TCERG1: variants seen among roughly 807,000 people sequenced by gnomAD.
The protein encoded by TCERG1 is transcription elongation regulator 1, also known as TATA box binding protein (TBP)-associated factor, RNA polymerase II, S, 150kD.
A neutral mutation model predicts 144.7 loss-of-function variants in TCERG1; 37 were observed. The observed-to-expected ratio is 0.26, with a 90% confidence interval of 0.20 to 0.34. The LOEUF is 0.34. TCERG1 is among the 10% of genes least tolerant of loss of function. The pLI is 1.00. For missense variants in TCERG1, 1,027 were observed against 1,380.7 expected, an observed-to-expected ratio of 0.74 and a Z score of 4.06; for synonymous variants, 492 against 458.2, an observed-to-expected ratio of 1.07 and a Z score of -0.94.
intron 9 of TCERG1, among the ~76,000 whole-genome samples, chr5:146,472,564 G>A (rs62372825): frequency 0.016 from 2,509 of 152,182 alleles, 35 homozygotes; most frequent in Non-Finnish European, 0.025. Context: ...TCCACCGACC[G>A]GCTGTTCCCC....
intron 4 of TCERG1, among the ~76,000 whole-genome samples, chr5:146,461,507 A>G (rs938697371): frequency 2.0e-5 from 3 of 152,142 alleles, no homozygotes; most frequent in Non-Finnish European, 4.4e-5. Flanking sequence ...CCAGTTTCCC[A>G]TTATTTTATT....
rs993507167 is a variant in TCERG1, at chr5:146,454,908, G to A, written c.60-148G>A. On this transcript the variant is annotated intron_variant, in intron 1 of 22. Coordinates refer to ENST00000679501, the MANE Select transcript of TCERG1 (RefSeq NM_001382548.1). ...CCACTGCACCCGGCCCATTGATGTA[G>A]TTTTTATCATGACGGTTGCAAAATG... is the stretch of plus-strand genomic sequence containing the variant. 13 of 845,452 alleles carry A rather than the reference G, an allele frequency of 1.5e-5. No individual in the cohort carries two copies. The African/African-American group carries it at 2.1e-4, about 13-fold the overall frequency. 52.4% of individuals were successfully genotyped at this position (845,452 alleles called of 1,614,324 possible). A position where few individuals can be genotyped will look rare whatever the true frequency, so the allele number is the denominator to read the frequency against.
In TCERG1 at chr5:146,447,357, A is replaced by G; in HGVS notation, c.8A>G (p.Glu3Gly). 6.2e-7 allele frequency: 1 copy of G among 1,611,756 alleles called. No homozygotes were observed. The highest frequency in any genetic ancestry group is 8.5e-7 in the Non-Finnish European group (1 of 1,179,164). ...TGAACGCGGCCCTCTGTAATGGCGGAGCGTGGCGGGGACGGGGGCGAGAGT... is the reference window on the plus strand; with the variant it reads ...TGAACGCGGCCCTCTGTAATGGCGGGGCGTGGCGGGGACGGGGGCGAGAGT... MA[E>G]RGGDGGESER... is the part of the protein sequence containing the mutation. Residue 3 changes from glutamate (E) to glycine (G), a missense_variant, in exon 1 of 23, where the codon GAG becomes GGG. Around this residue, in one of 6 missense-constraint regions of TCERG1, gnomAD observed 175 missense variants for 197.0 expected, o/e 0.89. Coordinates refer to ENST00000679501, the MANE Select transcript of TCERG1 (RefSeq NM_001382548.1).
Position 146,459,110 on chromosome 5 carries a change from A to AGGCCC in TCERG1, c.665_666insGGCCC (p.Ala225ProfsTer139), listed in dbSNP as rs1181216972. ...CAGGCCCAGGCCCAGGCCCAGGCCC[A>AGGCCC]AGCCCAAGCCCAGGCCCAGGCTCAG... On this transcript the variant is annotated frameshift_variant, in exon 4 of 23. Coordinates refer to ENST00000679501, the MANE Select transcript of TCERG1 (RefSeq NM_001382548.1). LOFTEE classifies it high-confidence loss of function. 15 of 1,595,774 alleles carry AGGCCC rather than the reference A, an allele frequency of 9.4e-6. No individual in the cohort carries two copies. Among genetic ancestry groups the AGGCCC allele is most frequent in the Non-Finnish European group, 1.3e-5 (15 of 1,166,350 alleles).
chr5:146,471,396 G>T, intron 8 of TCERG1, 92 bp from the exon 9 acceptor site: 1 of 1,130,100 alleles, frequency 8.8e-7, no homozygotes, highest in Non-Finnish European at 1.3e-6. Flanking sequence ...ATTTTGTGTT[G>T]ATTGCACTTT....
intron 17 of TCERG1, among the ~76,000 whole-genome samples, chr5:146,501,725 T>C (rs910550457): frequency 6.6e-6 from 1 of 152,164 alleles, no homozygotes; most frequent in South Asian, 2.1e-4. Context: ...TGTCTGGAAA[T>C]ACTGGGTTTA....
intron 21 of TCERG1, 69 bp downstream of exon 21, chr5:146,508,025 C>A: frequency 1.0e-6 from 1 of 999,470 alleles, no homozygotes; most frequent in Non-Finnish European, 1.5e-6. Context: ...AACAGCACTA[C>A]TATCTTAACC....
intron 18 of TCERG1, 64 bp downstream of exon 18, chr5:146,503,603 ATGT>A (rs1176142255): frequency 2.1e-5 from 32 of 1,553,026 alleles, no homozygotes; most frequent in Admixed American, 3.9e-5. Context: ...TTAAGGGTAT[ATGT>A]TGTTGTTGGG....
At chr5:146,483,416 G>T (rs1561676950) in intron 14 of TCERG1, 124 bp from the exon 15 acceptor site, 1 of 769,874 alleles carries the variant, frequency 1.3e-6, no homozygotes, top group Middle Eastern at 3.5e-4. Flanking sequence ...TATTAGTGAT[G>T]GAAACTTCAG....
At chr5:146,508,650 C>A (rs1768205006) in intron 21 of TCERG1, among the ~76,000 whole-genome samples, 1 of 152,132 alleles carries the variant, frequency 6.6e-6, no homozygotes, top group African/African-American at 2.4e-5. Flanking sequence ...AGAGTTTATT[C>A]ATCTTATTAC....
chr5:146,502,992 CCTGA>C (rs1220581415), intron 17 of TCERG1: 1 of 152,142 alleles, frequency 6.6e-6, no homozygotes, highest in African/African-American at 2.4e-5. Context: ...GCTTCATAAG[CCTGA>C]CTCTTAGCTA....
rs752828469 is a variant in TCERG1, at chr5:146,459,299, C to T, written c.854C>T (p.Thr285Ile). 1.2e-6 allele frequency: 2 copies of T among 1,614,240 alleles called. No homozygotes were observed. The highest frequency in any genetic ancestry group is 2.2e-5 in the East Asian group (1 of 44,892). Reference sequence around the variant, plus strand: ...TCCACCCCTTCCTCTACCACTTCTACCACAACAACTGCTACTTCAGTTGCG... The same window carrying T: ...TCCACCCCTTCCTCTACCACTTCTATCACAACAACTGCTACTTCAGTTGCG... ...SSSTPSSTTS[T>I]TTTATSVAQT... Residue 285 changes from threonine (T) to isoleucine (I), a missense_variant, in exon 4 of 23, where the codon ACC (threonine) becomes ATC (isoleucine). Coordinates refer to ENST00000679501, the MANE Select transcript of TCERG1 (RefSeq NM_001382548.1).
At chr5:146,447,917 T>A (rs960209150) in intron 1 of TCERG1, among the ~76,000 whole-genome samples, 1 of 152,242 alleles carries the variant, frequency 6.6e-6, no homozygotes, top group South Asian at 2.1e-4. Flanking sequence ...CCCTCATTGC[T>A]TGCCTTTCTT....
Position 146,463,634 on chromosome 5 carries a change from G to A in TCERG1, c.976G>A (p.Ala326Thr), listed in dbSNP as rs145186111. 3.7e-6 allele frequency: 6 copies of A among 1,614,154 alleles called. No individual in the cohort carries two copies. In the Admixed American group the frequency reaches 5.0e-5, roughly 13 times the overall value. Reference protein sequence around the residue: ...TVSVSTPAPTATPVQTVPQPH... With the variant: ...TVSVSTPAPTTTPVQTVPQPH... ...TAGTGTTTCAACTCCTGCTCCTACA[G>A]CCACACCTGTGCAAACCGTTCCCCA... The change falls in exon 5 of 23, where the codon GCC (alanine) becomes ACC (threonine). Residue 326 changes from alanine (A) to threonine (T), a missense_variant. Around this residue, in one of 6 missense-constraint regions of TCERG1, gnomAD observed 187 missense variants for 169.1 expected, o/e 1.11. Transcript: ENST00000679501.
intron 4 of TCERG1, among the ~76,000 whole-genome samples, chr5:146,462,303 A>G (rs1340188446): frequency 4.6e-5 from 7 of 152,180 alleles, no homozygotes; most frequent in Admixed American, 1.3e-4. Flanking sequence ...TCATTTGACA[A>G]ATTCATTCTT....
intron 13 of TCERG1, 39 bp from the exon 14 acceptor site, chr5:146,482,553 T>G (rs1561675332): frequency 6.5e-7 from 1 of 1,541,778 alleles, no homozygotes; most frequent in Non-Finnish European, 8.8e-7. Context: ...TGAGAATTAA[T>G]ATTTTGTCAG....
chr5:146,479,328 TTA>T (rs148134404), intron 10 of TCERG1, among the ~76,000 whole-genome samples: 3,419 of 152,228 alleles, frequency 0.022, 126 homozygotes, highest in African/African-American at 0.077. Context: ...TGTGTATCAT[TTA>T]TAGTCATTGA....
intron 14 of TCERG1, 27 bp downstream of exon 14, chr5:146,482,754 A>G (rs748040677): frequency 5.7e-6 from 9 of 1,582,530 alleles, no homozygotes; most frequent in Non-Finnish European, 7.7e-6. Context: ...TGGGGGAGAT[A>G]TTTCTGTTTT....
intron 12 of TCERG1, chr5:146,480,353 T>C: frequency 4.1e-6 from 1 of 242,358 alleles, no homozygotes. Context: ...TTTTGGAAAT[T>C]TATTAGGTCT....
Sources: allele counts gnomAD v4.1 joint callset (sites outside exome capture counted in the v4.1 genomes callset), GRCh38; gene constraint gnomAD v4.1.1; regional missense constraint gnomAD v4.1.1; transcripts MANE v1.5; gene names NCBI Gene and HGNC (gene_info 2026-07-23, HGNC 2026-07-21).